Variants in ADCY1 observed in about 807,000 individuals in gnomAD.
The protein encoded by ADCY1 is adenylate cyclase type 1.
ADCY1 carries 28 observed loss-of-function variants against 105.4 expected under a neutral mutation model. The observed-to-expected ratio is 0.27, with a 90% CI of 0.20 to 0.36. ADCY1 has a LOEUF of 0.36. Ranked by LOEUF, ADCY1 falls within the 10% of genes least tolerant of loss-of-function variation. The pLI is 1.00. For synonymous variants in ADCY1, 655 were observed against 623.8 expected (o/e 1.05, Z -0.75); for missense variants, 977 against 1,434.2 (o/e 0.68, Z 5.15).
chr7:45,656,707 C>T (rs537158331), intron 5 of ADCY1, among the ~76,000 whole-genome samples: 2 of 152,270 alleles, frequency 1.3e-5, no homozygotes, highest in East Asian at 3.9e-4. Context: ...GTGGGTGGCA[C>T]AGCCTTGCCT....
At chr7:45,610,819 T>TGGTGGAGGTGG (rs1271712344) in intron 3 of ADCY1, among the ~76,000 whole-genome samples, 11 of 16,526 alleles carry the variant, frequency 6.7e-4, no homozygotes, top group Admixed American at 1.3e-3. Flanking sequence ...GGTGGAGGTA[T>TGGTGGAGGTGG]GGAGGTGATA....
chr7:45,682,576 G>A (rs937343704), intron 11 of ADCY1, among the ~76,000 whole-genome samples: 2 of 152,142 alleles, frequency 1.3e-5, no homozygotes, highest in African/African-American at 2.4e-5. Context: ...GGCTGGGTGT[G>A]CCTCGGATAA....
intron 8 of ADCY1, 56 bp from the exon 9 acceptor site, chr7:45,677,813 T>G: frequency 6.4e-7 from 1 of 1,567,826 alleles, no homozygotes; most frequent in Admixed American, 1.8e-5. Flanking sequence ...TACAGGTGCT[T>G]TTCTTCAATA....
intron 8 of ADCY1, among the ~76,000 whole-genome samples, chr7:45,672,298 A>G (rs185082348): frequency 6.7e-4 from 102 of 152,020 alleles, no homozygotes; most frequent in South Asian, 3.5e-3. Flanking sequence ...CCATTTATCT[A>G]TTTGTCTGTC....
intron 3 of ADCY1, among the ~76,000 whole-genome samples, chr7:45,610,829 A>AGGG (rs1793543531): frequency 3.8e-4 from 5 of 13,246 alleles, no homozygotes; most frequent in South Asian, 2.2e-3. Flanking sequence ...TGGAGGTGAT[A>AGGG]GTGGAGGTGT....
chr7:45,610,817 T>TGAGGAGGTG (rs1410966609), intron 3 of ADCY1, among the ~76,000 whole-genome samples: 3 of 48,712 alleles, frequency 6.2e-5, no homozygotes, highest in African/African-American at 1.6e-4. Flanking sequence ...ATGGTGGAGG[T>TGAGGAGGTG]ATGGAGGTGA....
intron 17 of ADCY1, among the ~76,000 whole-genome samples, chr7:45,706,492 CAAAAAAAAA>C (rs58794109): frequency 8.4e-5 from 5 of 59,466 alleles, no homozygotes; most frequent in Non-Finnish European, 1.5e-4. Flanking sequence ...ACATCACATG[CAAAAAAAAA>C]AAAAAAAAAA....
intron 10 of ADCY1, among the ~76,000 whole-genome samples, chr7:45,678,602 G>T (rs1784504637): frequency 6.6e-6 from 1 of 151,910 alleles, no homozygotes; most frequent in Non-Finnish European, 1.5e-5. Flanking sequence ...GCTTTTGGCT[G>T]GGTGTAGTGG....
chr7:45,655,592 A>AACGGCAG (rs1375234065), intron 5 of ADCY1, among the ~76,000 whole-genome samples: 1 of 152,228 alleles, frequency 6.6e-6, no homozygotes, highest in Non-Finnish European at 1.5e-5. Context: ...CTGTTCAGTT[A>AACGGCAG]ACGGCAGATC....
chr7:45,698,331 T>C (rs879924558), intron 14 of ADCY1, among the ~76,000 whole-genome samples: 69 of 152,208 alleles, frequency 4.5e-4, no homozygotes, highest in Non-Finnish European at 1.9e-4. Flanking sequence ...ATTCATTGAA[T>C]TGTTCAAATT....
rs76581146 is a variant in ADCY1, at chr7:45,660,746, G to T, written c.1449+563G>T. 6.4e-3 allele frequency among the ~76,000 whole-genome samples: 973 copies of T among 151,236 alleles called. 14 individuals are homozygous for T. The highest frequency in any genetic ancestry group is 0.023 in the African/African-American group (926 of 41,150). On this transcript the variant is annotated intron_variant, in intron 7 of 19. Coordinates refer to ENST00000297323, the MANE Select transcript of ADCY1 (RefSeq NM_021116.4). ...GACAGGTGAGGTGTTCAGGGCTCAG[G>T]TGAGGGGTTCAGGGCTCAGGTGAGG...
intron 1 of ADCY1, among the ~76,000 whole-genome samples, chr7:45,583,937 G>GTTTTTTTTTGTTTTTTTTTTTTTT: frequency 1.8e-5 from 1 of 56,900 alleles, no homozygotes; most frequent in East Asian, 7.2e-4. Context: ...ACTGTGCCCT[G>GTTTTTTTTTGTTTTTTTTTTTTTT]TTTTTTTTTT....
chr7:45,708,478 A>G lies in ADCY1; in HGVS notation c.2932+14A>G. 1 of 1,587,018 alleles carries G rather than the reference A, an allele frequency of 6.3e-7. No individual in the cohort carries two copies. The highest frequency in any genetic ancestry group is 8.7e-7 in the Non-Finnish European group (1 of 1,155,500). On this transcript the variant is annotated intron_variant, in intron 18 of 19. Transcript: ENST00000297323. This position sits in a 1 kb window ranked among gnomAD's most constrained non-coding sequence, Gnocchi z 4.7. The stretch of plus-strand genomic sequence containing the variant: ...TCCTCCGAGTTGGTATGTGGCTCTA[A>G]ACCTATCCTGTCCATCCATGTGGAA...
intron 8 of ADCY1, among the ~76,000 whole-genome samples, chr7:45,663,812 G>C (rs1165768755): frequency 6.6e-6 from 1 of 151,000 alleles, no homozygotes; most frequent in African/African-American, 2.4e-5. Context: ...GAGTGAGACG[G>C]TGTCTCAAAA....
At chr7:45,625,318 G>C (rs992924720) in intron 4 of ADCY1, among the ~76,000 whole-genome samples, 3 of 152,224 alleles carry the variant, frequency 2.0e-5, no homozygotes, top group African/African-American at 7.2e-5. Flanking sequence ...TCATGCCTGG[G>C]ATGCTGGCTT....
intron 8 of ADCY1, among the ~76,000 whole-genome samples, chr7:45,666,085 A>G (rs1377593252): frequency 6.6e-6 from 1 of 152,104 alleles, no homozygotes; most frequent in Non-Finnish European, 1.5e-5. Flanking sequence ...GTGTTTTAGC[A>G]TGGTTTAAAA....
At chr7:45,610,798 G>A (rs1793536042) in intron 3 of ADCY1, among the ~76,000 whole-genome samples, 1 of 148,478 alleles carries the variant, frequency 6.7e-6, no homozygotes, top group African/African-American at 2.5e-5. Context: ...TGGTGGAGGT[G>A]GGGAGGTGAT....
intron 4 of ADCY1, among the ~76,000 whole-genome samples, chr7:45,625,083 G>T (rs926719104): frequency 9.2e-5 from 14 of 152,186 alleles, no homozygotes; most frequent in Middle Eastern, 3.2e-3. Flanking sequence ...CCTAGGAGAG[G>T]CTGAAGGTGT....
At chr7:45,664,249 AG>A (rs1468005311) in intron 8 of ADCY1, 1 of 1,524,242 alleles carries the variant, frequency 6.6e-7, no homozygotes, top group East Asian at 2.5e-5. Context: ...CAAGCAGAGA[AG>A]CTGTGTCGGA....
Sources: allele counts gnomAD v4.1 joint callset (sites outside exome capture counted in the v4.1 genomes callset), GRCh38; gene constraint gnomAD v4.1.1; non-coding constraint Gnocchi (gnomAD v3.1); transcripts MANE v1.5; gene names NCBI Gene and HGNC (gene_info 2026-07-23, HGNC 2026-07-21).